The following GTF2H3 variants were observed in gnomAD, a reference collection of about 807,000 sequenced individuals.
The protein encoded by GTF2H3 is general transcription factor IIH subunit 3.
GTF2H3 carries 42 observed loss-of-function variants against 51.1 expected under a neutral mutation model. The ratio of observed to expected loss-of-function variants is 0.82; its 90% CI spans 0.64 to 1.06. The LOEUF is 1.06. Ranked by LOEUF, GTF2H3 falls within the 50% of genes least tolerant of loss-of-function variation. GTF2H3 has a pLI of 0.00. For missense variants in GTF2H3, 326 were observed against 366.1 expected (o/e 0.89, Z 0.89); for synonymous variants, 123 against 123.8 (o/e 0.99, Z 0.04).
In GTF2H3 at chr12:123,652,730, A is replaced by G; in HGVS notation, c.481A>G (p.Ile161Val). The G allele has an allele frequency of 1.3e-6, 2 of 1,498,814 alleles. No individual in the cohort carries two copies. Among genetic ancestry groups the G allele is most frequent in the Admixed American group, 2.2e-5 (1 of 46,086 alleles). The allele number at this position is 1,498,814 out of a possible 1,614,324, so 92.8% of individuals were successfully genotyped here. A position where few individuals can be genotyped will look rare whatever the true frequency, so the allele number is the denominator to read the frequency against. ...VKDNQEMKSR[I>V]LVIKAAEDSA... ...AGACAATCAGGAAATGAAATCAAGG[A>G]TATTGGTAAGATAAAAAAATCATTA... Residue 161 changes from isoleucine (I) to valine (V), a missense_variant, in exon 7 of 13, where the codon ATA becomes GTA. By Grantham distance (29) the Ile-to-Val change is conservative. Transcript: ENST00000543341.
chr12:123,642,096 C>T (rs1023788752), intron 2 of GTF2H3, among the ~76,000 whole-genome samples: 1 of 151,732 alleles, frequency 6.6e-6, no homozygotes, highest in Non-Finnish European at 1.5e-5. Flanking sequence ...TCAAGTGATC[C>T]TCCCGCCTCG....
chr12:123,658,491 G>A lies in GTF2H3; in HGVS notation c.616-1025G>A, dbSNP rs571143023. On this transcript the variant is annotated intron_variant, in intron 9 of 12. Transcript: ENST00000543341. ...ATTACAGGCGTGAGCCACCGCGCCC[G>A]GCCTAATTTTTTAAATTTATTGTAG... is the stretch of plus-strand genomic sequence containing the variant. 2.2e-4 allele frequency among the ~76,000 whole-genome samples: 33 copies of A among 152,134 alleles called. No homozygotes were observed. In the South Asian group the frequency reaches 6.4e-3, roughly 30 times the overall value.
At chr12:123,635,594 G>A (rs1224217297) in intron 1 of GTF2H3, among the ~76,000 whole-genome samples, 1 of 147,514 alleles carries the variant, frequency 6.8e-6, no homozygotes, top group East Asian at 2.0e-4. Context: ...AAAAAAAAAG[G>A]TAGAGATAAG....
chr12:123,634,302 C>G (rs568769679), intron 1 of GTF2H3, among the ~76,000 whole-genome samples: 40 of 152,092 alleles, frequency 2.6e-4, no homozygotes, highest in Non-Finnish European at 5.0e-4. Flanking sequence ...ATTAGCCGGG[C>G]GTGGTAGCGC....
In GTF2H3 at chr12:123,659,915, T is replaced by A. The variant is rs1247426055; in HGVS notation, c.805T>A (p.Ser269Thr). The A allele has an allele frequency of 1.2e-6, 2 of 1,613,644 alleles. No individual in the cohort carries two copies. ...TCTCATTGAAATTGGTTATGTCTGT[T>A]CTGTGTGTTTGTCAAGTAAGTTAAT... is the stretch of plus-strand genomic sequence containing the variant. ...RNLIEIGYVCSVCLSIFCNFS... is the reference protein window; with the variant it reads ...RNLIEIGYVCTVCLSIFCNFS... Residue 269 changes from serine (S) to threonine (T), a missense_variant, in exon 11 of 13, where the codon TCT (serine) becomes ACT (threonine). Coordinates refer to ENST00000543341, the MANE Select transcript of GTF2H3 (RefSeq NM_001516.5).
chr12:123,654,894 G>T, intron 7 of GTF2H3, 30 bp from the exon 8 acceptor site: 1 of 1,510,480 alleles, frequency 6.6e-7, no homozygotes, highest in East Asian at 2.3e-5. Flanking sequence ...GCATGTGCCT[G>T]GGTGGAATTA....
intron 8 of GTF2H3, 102 bp from the exon 9 acceptor site, chr12:123,655,669 G>A: frequency 1.4e-6 from 1 of 714,690 alleles, no homozygotes; most frequent in Non-Finnish European, 2.5e-6. Flanking sequence ...TGCATATTGA[G>A]TGAGCTATTT....
At chr12:123,648,301 G>A (rs541214117) in intron 4 of GTF2H3, 175 bp downstream of exon 4, 78 of 474,464 alleles carry the variant, frequency 1.6e-4, no homozygotes, top group African/African-American at 1.3e-3. Flanking sequence ...AGCATTTGAC[G>A]CTGCTGAGCA....
At position 123,659,858 on chromosome 12, in the gene GTF2H3, G is replaced by A. The variant is rs559255846; in HGVS notation, c.748G>A (p.Asp250Asn). ...QLILPPPVHV[D>N]YRAACFCHRN... Reference sequence around the variant, plus strand: ...AATCCTCCCACCCCCAGTTCATGTTGACTACAGGGCTGCTTGCTTCTGTCA... The same window carrying A: ...AATCCTCCCACCCCCAGTTCATGTTAACTACAGGGCTGCTTGCTTCTGTCA... The change falls in exon 11 of 13, where the codon GAC becomes AAC. Residue 250 changes from aspartate to asparagine, a missense_variant. Coordinates refer to ENST00000543341, the MANE Select transcript of GTF2H3 (RefSeq NM_001516.5). 8 of 1,613,858 alleles carry A rather than the reference G, an allele frequency of 5.0e-6. No individual in the cohort carries two copies. The highest frequency in any genetic ancestry group is 2.2e-5 in the East Asian group (1 of 44,888).
At chr12:123,642,363 G>A (rs906666539) in intron 2 of GTF2H3, among the ~76,000 whole-genome samples, 2 of 151,618 alleles carry the variant, frequency 1.3e-5, no homozygotes, top group Non-Finnish European at 2.9e-5. Context: ...TAGAGACGGG[G>A]TTTCGCCGTG....
chr12:123,660,012 C>T (rs977551802), intron 11 of GTF2H3, 34 bp from the exon 12 acceptor site: 1 of 1,588,604 alleles, frequency 6.3e-7, no homozygotes, highest in Non-Finnish European at 8.5e-7. Context: ...GTTTTTCAGC[C>T]ACCCTATTGT....
intron 1 of GTF2H3, among the ~76,000 whole-genome samples, chr12:123,635,286 A>G (rs1460272191): frequency 6.6e-6 from 1 of 152,220 alleles, no homozygotes; most frequent in Non-Finnish European, 1.5e-5. Context: ...AAAGAAAAAA[A>G]GTGGCTGGGC....
At chr12:123,640,640 G>A (rs1955357364) in intron 2 of GTF2H3, among the ~76,000 whole-genome samples, 1 of 152,028 alleles carries the variant, frequency 6.6e-6, no homozygotes, top group South Asian at 2.1e-4. Context: ...GCCTGGCCTT[G>A]TCTGTTCTTT....
chr12:123,657,257 C>T (rs1410738793), intron 9 of GTF2H3, among the ~76,000 whole-genome samples: 1 of 152,034 alleles, frequency 6.6e-6, no homozygotes, highest in Non-Finnish European at 1.5e-5. Flanking sequence ...TTGCTTAAAA[C>T]CCTCCCATAG....
In GTF2H3 at chr12:123,660,850, C is replaced by A. The variant is rs544929373; in HGVS notation, c.*615C>A. The A allele has an allele frequency of 1.3e-5, 2 of 152,066 alleles. No homozygotes were observed. The highest frequency in any genetic ancestry group is 2.9e-5 in the Non-Finnish European group (2 of 68,028). 9.4% of individuals were successfully genotyped at this position (152,066 alleles called of 1,614,324 possible). A position where few individuals can be genotyped will look rare whatever the true frequency, so the allele number is the denominator to read the frequency against. Reference sequence around the variant, plus strand: ...TCTCATTTTAAATGAGTAAGGAGAACGTGTACAGAAGCAAATTTTCTTCAA... The same window carrying A: ...TCTCATTTTAAATGAGTAAGGAGAAAGTGTACAGAAGCAAATTTTCTTCAA... On this transcript the variant is annotated 3_prime_UTR_variant, in exon 13 of 13. Transcript: ENST00000543341.
intron 8 of GTF2H3, 169 bp from the exon 9 acceptor site, chr12:123,655,602 G>A (rs1420922146): frequency 3.7e-6 from 2 of 544,306 alleles, no homozygotes; most frequent in African/African-American, 1.9e-5. Context: ...CCACAGCCCA[G>A]CCATGTCCTG....
chr12:123,654,326 TG>T (rs1421672401), intron 7 of GTF2H3, among the ~76,000 whole-genome samples: 2 of 150,816 alleles, frequency 1.3e-5, no homozygotes, highest in Non-Finnish European at 3.0e-5. Context: ...TTTGGTTGTG[TG>T]TGTGTGTTGG....
intron 1 of GTF2H3, among the ~76,000 whole-genome samples, chr12:123,638,933 C>G (rs1272024290): frequency 6.6e-6 from 1 of 151,600 alleles, no homozygotes; most frequent in Non-Finnish European, 1.5e-5. Context: ...GTAGCTGGGA[C>G]TACAGGCGCC....
In GTF2H3 at chr12:123,660,269, T is replaced by C; in HGVS notation, c.*34T>C. On this transcript the variant is annotated 3_prime_UTR_variant, in exon 13 of 13. Coordinates refer to ENST00000543341, the MANE Select transcript of GTF2H3 (RefSeq NM_001516.5). The stretch of plus-strand genomic sequence containing the variant: ...TATTTTCCCCATCTTTTAGAGCTGT[T>C]AATAGAAATTATATAGCAGATTCTT... 6.9e-7 allele frequency: 1 copy of C among 1,459,088 alleles called. No homozygotes were observed. The highest frequency in any genetic ancestry group is 1.2e-5 in the South Asian group (1 of 84,030). The allele number at this position is 1,459,088 out of a possible 1,614,324, so 90.4% of individuals were successfully genotyped here.
Sources: gnomAD v4.1 joint callset for allele counts (sites outside exome capture counted in the v4.1 genomes callset) on GRCh38, gnomAD v4.1.1 for gene constraint, MANE v1.5 for transcripts, NCBI Gene and HGNC (gene_info 2026-07-23, HGNC 2026-07-21) for gene names.